DCAF1: variants seen among roughly 807,000 people sequenced by gnomAD.
DCAF1 encodes DDB1 and CUL4 associated factor 1, also known as DDB1- and CUL4-associated factor 1.
Under a neutral mutation model 128.0 loss-of-function variants are expected in DCAF1, and 15 were observed. That is an observed-to-expected ratio of 0.12 (90% CI 0.08 to 0.18). The LOEUF is 0.18. Ranked by LOEUF, DCAF1 falls within the 10% of genes least tolerant of loss-of-function variation. The probability of loss-of-function intolerance (pLI) is 1.00; values close to 1 mark genes in which losing one functional copy is unlikely to be tolerated. For synonymous variants in DCAF1, 610 were observed against 603.0 expected, an observed-to-expected ratio of 1.01 and a Z score of -0.17; for missense variants, 988 against 1,649.5, an observed-to-expected ratio of 0.60 and a Z score of 6.95.
At position 51,421,006 on chromosome 3, in the gene DCAF1, A is replaced by G; in HGVS notation, c.1973-9T>C. ...CAAAATAATGCTGATACCTAATGGG[A>G]AAAAAAATTATGTATTATTCACCAT... On this transcript the variant is annotated splice_polypyrimidine_tract_variant and intron_variant, in intron 14 of 24. Coordinates refer to ENST00000684031, the MANE Select transcript of DCAF1 (RefSeq NM_001387579.1). The G allele has an allele frequency of 1.3e-6, 2 of 1,590,438 alleles. No homozygotes were observed. Among genetic ancestry groups the G allele is most frequent in the Non-Finnish European group, 1.7e-6 (2 of 1,167,944 alleles).
rs567646405 is a variant in DCAF1, at chr3:51,414,959, T to C, written c.3604-102A>G. 283 of 1,451,982 alleles carry C rather than the reference T, an allele frequency of 1.9e-4. 1 individual carries two copies. In the African/African-American group the frequency reaches 3.6e-3, roughly 18 times the overall value. 89.9% of individuals were successfully genotyped at this position (1,451,982 alleles called of 1,614,324 possible). The stretch of plus-strand genomic sequence containing the variant: ...GCAGTTTCTAAAATTAACACACAAA[T>C]TCTCCACATGGATCAATGATTACCA... On this transcript the variant is annotated intron_variant, in intron 18 of 24. Coordinates refer to ENST00000684031, the MANE Select transcript of DCAF1 (RefSeq NM_001387579.1).
chr3:51,489,737 A>T (rs1559579286), intron 2 of DCAF1, among the ~76,000 whole-genome samples: 1 of 151,892 alleles, frequency 6.6e-6, no homozygotes, highest in Non-Finnish European at 1.5e-5. Context: ...CAGTGAGCCA[A>T]GATTGCACCA....
Position 51,414,723 on chromosome 3 carries a change from G to A in DCAF1, c.3738C>T (p.Val1246=). 6.2e-7 allele frequency: 1 copy of A among 1,614,038 alleles called. No individual in the cohort carries two copies. The highest frequency in any genetic ancestry group is 8.5e-7 in the Non-Finnish European group (1 of 1,179,910). ...LVLNDGVLWD[V]RSAQAIHKFD... ...ACTTGTGGATGGCCTGTGCAGAGCG[G>A]ACATCCCAGAGGACGCCATCATTTA... Residue 1246 remains valine, a synonymous_variant, in exon 19 of 25, where the codon GTC becomes GTT. Transcript: ENST00000684031.
At chr3:51,498,376 G>GAAA (rs1175129153) in intron 1 of DCAF1, among the ~76,000 whole-genome samples, 1 of 77,858 alleles carries the variant, frequency 1.3e-5, no homozygotes, top group African/African-American at 4.7e-5. Context: ...AAAGAAAAAA[G>GAAA]AAAAAAAAAA....
At chr3:51,423,564 TCA>T (rs1239335607) in intron 13 of DCAF1, among the ~76,000 whole-genome samples, 6 of 149,224 alleles carry the variant, frequency 4.0e-5, no homozygotes, top group Admixed American at 3.3e-4. Flanking sequence ...ACGCCGGTAA[TCA>T]CAACAATTTG....
At chr3:51,442,418 C>T (rs1472250186) in intron 7 of DCAF1, among the ~76,000 whole-genome samples, 1 of 152,018 alleles carries the variant, frequency 6.6e-6, no homozygotes, top group African/African-American at 2.4e-5. Context: ...AGAGGGATGG[C>T]CAGGTGCGGT....
chr3:51,432,243 C>A (rs1197867263), intron 10 of DCAF1, among the ~76,000 whole-genome samples: 1 of 138,274 alleles, frequency 7.2e-6, no homozygotes, highest in Admixed American at 7.8e-5. Context: ...TGCACTCCAA[C>A]CTGGGAGACA....
chr3:51,484,916 T>C (rs1706747122), intron 2 of DCAF1, among the ~76,000 whole-genome samples: 1 of 149,206 alleles, frequency 6.7e-6, no homozygotes, highest in Non-Finnish European at 1.5e-5. Flanking sequence ...CTCCGTTTTT[T>C]GTTTTGTTTT....
At chr3:51,442,037 C>T (rs935037164) in intron 7 of DCAF1, 140 bp from the exon 8 acceptor site, 24 of 1,193,234 alleles carry the variant, frequency 2.0e-5, no homozygotes, top group South Asian at 3.2e-5. Flanking sequence ...TTGATAAATG[C>T]GTTGCTTTGA....
intron 3 of DCAF1, 64 bp from the exon 4 acceptor site, chr3:51,471,069 C>T: frequency 9.9e-7 from 1 of 1,009,508 alleles, no homozygotes; most frequent in Non-Finnish European, 1.5e-6. Flanking sequence ...ACCACTACAA[C>T]AGTCAATTCA....
At chr3:51,491,348 A>AC (rs1477349922) in intron 2 of DCAF1, among the ~76,000 whole-genome samples, 3 of 137,934 alleles carry the variant, frequency 2.2e-5, no homozygotes, top group African/African-American at 2.8e-5. Context: ...CTATGTCTCC[A>AC]AAAAAAAAAA....
At position 51,418,889 on chromosome 3, in the gene DCAF1, A is replaced by G. The variant is rs564278585; in HGVS notation, c.3237-13T>C. On this transcript the variant is annotated splice_polypyrimidine_tract_variant and intron_variant, in intron 15 of 24. Coordinates refer to ENST00000684031, the MANE Select transcript of DCAF1 (RefSeq NM_001387579.1). ...AATAGGACGGAATCTAAGCAAAAAAAAGAGAGAATCACAGGCAAAGAATGT... is the reference window on the plus strand; with the variant it reads ...AATAGGACGGAATCTAAGCAAAAAAGAGAGAGAATCACAGGCAAAGAATGT... The G allele has an allele frequency of 2.5e-4, 400 of 1,594,026 alleles. No homozygotes were observed. The highest frequency in any genetic ancestry group is 3.3e-4 in the Non-Finnish European group (383 of 1,169,560).
In DCAF1 at chr3:51,429,544, G is replaced by T. The variant is rs1233701713; in HGVS notation, c.1468-74C>A. The T allele has an allele frequency of 8.1e-6, 6 of 737,290 alleles. No homozygotes were observed. The African/African-American group carries it at 1.1e-4, about 13-fold the overall frequency. The allele number at this position is 737,290 out of a possible 1,614,324, so 45.7% of individuals were successfully genotyped here. A position where few individuals can be genotyped will look rare whatever the true frequency, so the allele number is the denominator to read the frequency against. On this transcript the variant is annotated intron_variant, in intron 11 of 24. Coordinates refer to ENST00000684031, the MANE Select transcript of DCAF1 (RefSeq NM_001387579.1). ...AGTTAAGTAAAAATATTTAAAAAAG[G>T]GAAAATATTTTAGTAAACTTTTTTT... is the stretch of plus-strand genomic sequence containing the variant.
Position 51,439,442 on chromosome 3 carries a change from A to ATTT in DCAF1, c.1128+1525_1128+1527dup, listed in dbSNP as rs1191716094. On this transcript the variant is annotated intron_variant, in intron 9 of 24. Coordinates refer to ENST00000684031, the MANE Select transcript of DCAF1 (RefSeq NM_001387579.1). Reference sequence around the variant, plus strand: ...CGTGCCTGGCCTGTCTGCTATTTCTATTTTTTTTTTTTTTTTTGAGACAGA... The same window carrying ATTT: ...CGTGCCTGGCCTGTCTGCTATTTCTATTTTTTTTTTTTTTTTTTTTGAGACAGA... Among the ~76,000 whole-genome samples, 23 of 128,394 alleles carry ATTT rather than the reference A, an allele frequency of 1.8e-4. 1 individual carries two copies. The highest frequency in any genetic ancestry group is 2.1e-4 in the Non-Finnish European group (13 of 63,058). 84.2% of individuals were successfully genotyped at this position (128,394 alleles called of 152,430 possible). A position where few individuals can be genotyped will look rare whatever the true frequency, so the allele number is the denominator to read the frequency against.
chr3:51,442,586 C>T (rs1701461017), intron 7 of DCAF1, among the ~76,000 whole-genome samples: 1 of 151,946 alleles, frequency 6.6e-6, no homozygotes, highest in Non-Finnish European at 1.5e-5. Flanking sequence ...GTAATCCCAG[C>T]TACTCGGGAG....
At chr3:51,435,251 C>T (rs1229360285) in intron 9 of DCAF1, among the ~76,000 whole-genome samples, 1 of 152,170 alleles carries the variant, frequency 6.6e-6, no homozygotes, top group Non-Finnish European at 1.5e-5. Context: ...TCCCTTCTTC[C>T]ACTGCACCTT....
At chr3:51,432,204 G>C (rs1181512025) in intron 10 of DCAF1, among the ~76,000 whole-genome samples, 1 of 147,280 alleles carries the variant, frequency 6.8e-6, no homozygotes, top group African/African-American at 2.5e-5. Flanking sequence ...CTGGGAGTTG[G>C]AGGCTGCAGT....
At chr3:51,454,936 G>A (rs1553642484) in intron 6 of DCAF1, among the ~76,000 whole-genome samples, 1 of 152,212 alleles carries the variant, frequency 6.6e-6, no homozygotes, top group Non-Finnish European at 1.5e-5. Context: ...GCCTCCCAAA[G>A]TGCTGGGGTT....
chr3:51,445,989 C>CTTTTT (rs782164524), intron 6 of DCAF1, among the ~76,000 whole-genome samples: 2 of 117,622 alleles, frequency 1.7e-5, no homozygotes, highest in African/African-American at 3.1e-5. Flanking sequence ...AACCTAAGTT[C>CTTTTT]TTTTTTTTTT....
Sources: allele counts gnomAD v4.1 joint callset (sites outside exome capture counted in the v4.1 genomes callset), GRCh38; gene constraint gnomAD v4.1.1; transcripts MANE v1.5; gene names NCBI Gene and HGNC (gene_info 2026-07-23, HGNC 2026-07-21).